SESN1: variants seen among roughly 807,000 people sequenced by gnomAD.
SESN1 encodes the protein sestrin 1.
A neutral mutation model predicts 59.3 loss-of-function variants in SESN1; 30 were observed. The observed-to-expected ratio is 0.51, with a 90% confidence interval of 0.38 to 0.69. The LOEUF is 0.69. Ranked by LOEUF, SESN1 falls within the 30% of genes least tolerant of loss-of-function variation. The probability of loss-of-function intolerance (pLI) is 0.00; values close to 1 mark genes in which losing one functional copy is unlikely to be tolerated. For missense variants in SESN1, 566 were observed against 673.0 expected (o/e 0.84, Z 1.76); for synonymous variants, 197 against 219.9 (o/e 0.90, Z 0.92).
At chr6:109,033,922 G>A (rs374211571) in intron 1 of SESN1, among the ~76,000 whole-genome samples, 1 of 152,174 alleles carries the variant, frequency 6.6e-6, no homozygotes, top group East Asian at 1.9e-4. Context: ...CGGAGGCAAG[G>A]CTCAAAGCAT....
chr6:109,021,267 G>A (rs1780006678), intron 1 of SESN1, among the ~76,000 whole-genome samples: 1 of 152,140 alleles, frequency 6.6e-6, no homozygotes, highest in South Asian at 2.1e-4. Flanking sequence ...ACAGGTGTGA[G>A]CCACCTTGCC....
At position 109,047,492 on chromosome 6, in the gene SESN1, G is replaced by C. The variant is rs1314555466; in HGVS notation, c.280-45149C>G. On this transcript the variant is annotated intron_variant, in intron 1 of 9. Coordinates refer to ENST00000436639, the MANE Select transcript of SESN1 (RefSeq NM_014454.3). ...AGGTGGGGGGGTCAGCCCCCTGCCCGGCCAGCCGCCCCGTCCGGGAGGTGA... is the reference window on the plus strand; with the variant it reads ...AGGTGGGGGGGTCAGCCCCCTGCCCCGCCAGCCGCCCCGTCCGGGAGGTGA... Among the ~76,000 whole-genome samples, 5 of 123,828 alleles carry C rather than the reference G, an allele frequency of 4.0e-5. 1 individual carries two copies. The highest frequency in any genetic ancestry group is 8.9e-5 in the African/African-American group (3 of 33,722). The allele number at this position is 123,828 out of a possible 152,430, so 81.2% of individuals were successfully genotyped here. A position where few individuals can be genotyped will look rare whatever the true frequency, so the allele number is the denominator to read the frequency against.
At chr6:109,085,139 AAAC>A (rs1294991655) in intron 1 of SESN1, among the ~76,000 whole-genome samples, 1 of 151,926 alleles carries the variant, frequency 6.6e-6, no homozygotes, top group Non-Finnish European at 1.5e-5. Context: ...AAAAAAAAAA[AAAC>A]AAGCATAAAA....
intron 1 of SESN1, among the ~76,000 whole-genome samples, chr6:109,005,153 G>C (rs569123058): frequency 6.6e-6 from 1 of 152,106 alleles, no homozygotes; most frequent in Non-Finnish European, 1.5e-5. Flanking sequence ...CTAATAGTAC[G>C]AGGTTGAAAA....
chr6:109,066,925 C>G (rs1372900879), intron 1 of SESN1, among the ~76,000 whole-genome samples: 3 of 152,132 alleles, frequency 2.0e-5, no homozygotes, highest in Non-Finnish European at 4.4e-5. Flanking sequence ...ACTCTCAGAT[C>G]TGGAGGAAAA....
intron 5 of SESN1, among the ~76,000 whole-genome samples, chr6:108,996,649 GCATTT>G (rs948697049): frequency 9.5e-4 from 144 of 151,958 alleles, no homozygotes; most frequent in African/African-American, 3.3e-3. Flanking sequence ...AAAAAAAATG[GCATTT>G]CATTTTAATA....
intron 1 of SESN1, among the ~76,000 whole-genome samples, chr6:109,080,595 C>T (rs975337699): frequency 1.7e-4 from 26 of 152,026 alleles, no homozygotes; most frequent in African/African-American, 6.3e-4. Flanking sequence ...ATGTGGTTTC[C>T]CCTAGAAAAG....
rs147735078 is a variant in SESN1 at position 109,081,676 on chromosome 6, C to G, written c.279+12119G>C. 5.5e-3 allele frequency among the ~76,000 whole-genome samples: 844 copies of G among 152,212 alleles called. 9 individuals are homozygous for G. The highest frequency in any genetic ancestry group is 0.018 in the African/African-American group (750 of 41,522). ...CAGGAAAGTCTGGTGCCACCTCTGC[C>G]CCTCCCCTCCCATCCACCCCAATTC... On this transcript the variant is annotated intron_variant, in intron 1 of 9. Transcript: ENST00000436639.
chr6:109,036,469 G>C (rs186036538), intron 1 of SESN1, among the ~76,000 whole-genome samples: 1 of 152,266 alleles, frequency 6.6e-6, no homozygotes, highest in African/African-American at 2.4e-5. Flanking sequence ...GGCTCCAGGA[G>C]AATGAAAAAG....
chr6:109,041,681 A>G (rs982793421), intron 1 of SESN1, among the ~76,000 whole-genome samples: 2 of 152,180 alleles, frequency 1.3e-5, no homozygotes, highest in African/African-American at 4.8e-5. Flanking sequence ...TCCACCAAAC[A>G]GAGCTGTAAA....
rs1426901881 is a variant in SESN1 at position 109,009,464 on chromosome 6, G to A, written c.280-7121C>T. ...TCGCGGCGGCGGCCAAGCGCATGTC[G>A]GCGCGGGGACGGCTGCGGACGCGCG... On this transcript the variant is annotated intron_variant, in intron 1 of 9. Transcript: ENST00000436639. The A allele has an allele frequency of 5.4e-6, 7 of 1,290,460 alleles. No homozygotes were observed. In the East Asian group the frequency reaches 1.3e-4, roughly 23 times the overall value. 79.9% of individuals were successfully genotyped at this position (1,290,460 alleles called of 1,614,324 possible). A position where few individuals can be genotyped will look rare whatever the true frequency, so the allele number is the denominator to read the frequency against.
intron 1 of SESN1, among the ~76,000 whole-genome samples, chr6:109,040,327 G>A (rs995201716): frequency 6.7e-6 from 1 of 149,714 alleles, no homozygotes; most frequent in Non-Finnish European, 1.5e-5. Flanking sequence ...AAAGTATTAC[G>A]ACTGAGGATT....
intron 6 of SESN1, 54 bp from the exon 7 acceptor site, chr6:108,992,953 G>T: frequency 8.5e-7 from 1 of 1,182,948 alleles, no homozygotes; most frequent in Non-Finnish European, 1.3e-6. Flanking sequence ...AGTTAAAATT[G>T]ATTTTACCCA....
rs1374730203 is a variant in SESN1 at position 109,046,768 on chromosome 6, G to T, written c.280-44425C>A. On this transcript the variant is annotated intron_variant, in intron 1 of 9. Transcript: ENST00000436639. ...TGGGTTGTGAGGAGTGCCTCTGCCC[G>T]GCCGAGACCCCGTCTGGGAGGTGAG... Among the ~76,000 whole-genome samples the T allele has an allele frequency of 5.8e-5, 8 of 137,850 alleles. No homozygotes were observed. In the East Asian group the frequency reaches 1.5e-3, roughly 26 times the overall value. The allele number at this position is 137,850 out of a possible 152,430, so 90.4% of individuals were successfully genotyped here.
intron 1 of SESN1, among the ~76,000 whole-genome samples, chr6:109,030,379 T>TAGA (rs1386447411): frequency 6.6e-6 from 1 of 152,174 alleles, no homozygotes; most frequent in African/African-American, 2.4e-5. Flanking sequence ...TGTAAAGGTG[T>TAGA]AGATTGCTAG....
At position 109,000,314 on chromosome 6, in the gene SESN1, A is replaced by G. The variant is rs138883498; in HGVS notation, c.729+177T>C. On this transcript the variant is annotated intron_variant, in intron 4 of 9. Transcript: ENST00000436639. The stretch of plus-strand genomic sequence containing the variant: ...CTATAGAGTTACTAGTAATATATCA[A>G]TTACAGCAAATGTACCACAGAAATG... 3.4e-3 allele frequency: 1,569 copies of G among 461,162 alleles called. 6 individuals carry two copies. Among genetic ancestry groups the G allele is most frequent in the Non-Finnish European group, 4.1e-3 (1,070 of 263,856 alleles). The allele number at this position is 461,162 out of a possible 1,614,324, so 28.6% of individuals were successfully genotyped here.
intron 1 of SESN1, among the ~76,000 whole-genome samples, chr6:109,023,000 T>G (rs1444313864): frequency 1.3e-5 from 2 of 152,210 alleles, no homozygotes; most frequent in East Asian, 1.9e-4. Context: ...TGTCTTCCCC[T>G]GCACTATGTT....
At chr6:109,034,269 G>A (rs1780222756) in intron 1 of SESN1, among the ~76,000 whole-genome samples, 1 of 152,074 alleles carries the variant, frequency 6.6e-6, no homozygotes, top group South Asian at 2.1e-4. Flanking sequence ...AAATTATTAG[G>A]TATTGATGTA....
At position 109,045,757 on chromosome 6, in the gene SESN1, T is replaced by C. The variant is rs140261804; in HGVS notation, c.280-43414A>G. Reference sequence around the variant, plus strand: ...CTCTTGCATGGCACTTACTAGTATATACCATAACTGCCTGTTTATCTTGCC... The same window carrying C: ...CTCTTGCATGGCACTTACTAGTATACACCATAACTGCCTGTTTATCTTGCC... On this transcript the variant is annotated intron_variant, in intron 1 of 9. Transcript: ENST00000436639. Among the ~76,000 whole-genome samples the C allele has an allele frequency of 4.6e-5, 7 of 152,306 alleles. No homozygotes were observed. In the East Asian group the frequency reaches 1.2e-3, roughly 25 times the overall value.
Sources: gnomAD v4.1 joint callset for allele counts (sites outside exome capture counted in the v4.1 genomes callset) on GRCh38, gnomAD v4.1.1 for gene constraint, MANE v1.5 for transcripts, NCBI Gene and HGNC (gene_info 2026-07-23, HGNC 2026-07-21) for gene names.